Variants in CMC1 observed in about 807,000 individuals in gnomAD.
CMC1 encodes COX assembly mitochondrial protein homolog.
Under a neutral mutation model 14.1 loss-of-function variants are expected in CMC1, and 14 were observed. That is an observed-to-expected ratio of 0.99 (90% CI 0.66 to 1.55). The LOEUF (loss-of-function observed/expected upper bound fraction) is 1.55, where lower values mean the gene tolerates loss of function less well. CMC1 is among the 40% of genes most tolerant of loss of function. CMC1 has a pLI of 0.00. For missense variants in CMC1, 127 were observed against 123.8 expected (o/e 1.03, Z -0.12); for synonymous variants, 50 against 38.4 (o/e 1.30, Z -1.12).
At chr3:28,256,148 T>C (rs1699393218) in intron 1 of CMC1, among the ~76,000 whole-genome samples, 1 of 151,864 alleles carries the variant, frequency 6.6e-6, no homozygotes, top group Non-Finnish European at 1.5e-5. Context: ...AACATATATA[T>C]ATATCTTAAG....
chr3:28,304,899 T>C (rs1702231101), intron 2 of CMC1, among the ~76,000 whole-genome samples: 1 of 152,202 alleles, frequency 6.6e-6, no homozygotes, highest in African/African-American at 2.4e-5. Context: ...CATATAGCTC[T>C]AATAGGTTCT....
At chr3:28,306,261 A>G (rs985320802) in intron 2 of CMC1, among the ~76,000 whole-genome samples, 2 of 152,300 alleles carry the variant, frequency 1.3e-5, no homozygotes, top group Non-Finnish European at 2.9e-5. Flanking sequence ...CATTGAATCT[A>G]TAGATTGCTT....
chr3:28,293,307 C>CCTT (rs1559430454), intron 2 of CMC1, among the ~76,000 whole-genome samples: 8 of 139,956 alleles, frequency 5.7e-5, no homozygotes, highest in Non-Finnish European at 3.1e-5. Flanking sequence ...AATAGAGGGA[C>CCTT]TTTTTTTTTT....
rs757069358 is a variant in CMC1 at position 28,263,319 on chromosome 3, T to C, written c.48T>C (p.Asp16=). Residue 16 remains aspartate, a synonymous_variant, in exon 2 of 4, where the codon GAT becomes GAC. Transcript: ENST00000466830. The part of the protein sequence containing the change: ...ADQHLRHVEK[D]VLIPKIMREK... ...AGCATCTCAGACATGTCGAAAAAGATGTTTTGATCCCTAAAATAATGAGAG... is the reference window on the plus strand; with the variant it reads ...AGCATCTCAGACATGTCGAAAAAGACGTTTTGATCCCTAAAATAATGAGAG... The C allele has an allele frequency of 5.6e-6, 9 of 1,608,266 alleles. No homozygotes were observed. The Admixed American group carries it at 1.0e-4, about 18-fold the overall frequency.
In CMC1 at chr3:28,304,156, C is replaced by T. The variant is rs987743663; in HGVS notation, c.110-12177C>T. On this transcript the variant is annotated intron_variant, in intron 2 of 3. Transcript: ENST00000466830. ...AAATTTAGTTATGCAGTCGCATTAG[C>T]CACATTCAGCTTGGGCAACATAGTG... 2.4e-4 allele frequency among the ~76,000 whole-genome samples: 37 copies of T among 151,964 alleles called. 1 individual carries two copies. Among genetic ancestry groups the T allele is most frequent in the African/African-American group, 8.9e-4 (37 of 41,388 alleles).
intron 2 of CMC1, among the ~76,000 whole-genome samples, chr3:28,308,272 TA>T (rs1017529000): frequency 4.9e-4 from 72 of 148,188 alleles, no homozygotes; most frequent in Middle Eastern, 3.5e-3. Flanking sequence ...GTGAAAGCTT[TA>T]AAAAAAAAAG....
chr3:28,288,017 A>C (rs1454885412), intron 2 of CMC1, among the ~76,000 whole-genome samples: 2 of 152,030 alleles, frequency 1.3e-5, no homozygotes, highest in African/African-American at 4.8e-5. Flanking sequence ...GCCACATTTC[A>C]AATGCTCAAT....
intron 2 of CMC1, among the ~76,000 whole-genome samples, chr3:28,283,358 A>C (rs747145851): frequency 1.5e-5 from 2 of 136,216 alleles, no homozygotes; most frequent in Non-Finnish European, 3.4e-5. Context: ...TACTAAAAAT[A>C]AAAAAAAAAA....
chr3:28,284,506 A>T (rs1257697483), intron 2 of CMC1, among the ~76,000 whole-genome samples: 2 of 152,204 alleles, frequency 1.3e-5, no homozygotes, highest in Non-Finnish European at 2.9e-5. Context: ...CCACAGAGAG[A>T]TAATTGCATT....
chr3:28,260,845 A>C (rs76005614), intron 1 of CMC1, among the ~76,000 whole-genome samples: 1 of 152,010 alleles, frequency 6.6e-6, no homozygotes, highest in Non-Finnish European at 1.5e-5. Flanking sequence ...ATTTTCTTAG[A>C]TCCATGGGTT....
rs568951553 is a variant in CMC1, at chr3:28,308,127, C to G, written c.110-8206C>G. ...TAGCAAAGTTAATTCTGTCTGCATCCTTAATTCCCATTTCCTGTGTATCTT... is the reference window on the plus strand; with the variant it reads ...TAGCAAAGTTAATTCTGTCTGCATCGTTAATTCCCATTTCCTGTGTATCTT... On this transcript the variant is annotated intron_variant, in intron 2 of 3. Transcript: ENST00000466830. 2.0e-5 allele frequency among the ~76,000 whole-genome samples: 3 copies of G among 152,244 alleles called. No homozygotes were observed. The South Asian group carries it at 6.2e-4, about 32-fold the overall frequency.
intron 1 of CMC1, among the ~76,000 whole-genome samples, chr3:28,258,757 C>T (rs1280751554): frequency 6.6e-6 from 1 of 151,350 alleles, no homozygotes; most frequent in Non-Finnish European, 1.5e-5. Flanking sequence ...GTAGCTGGGA[C>T]TACAGGCACC....
chr3:28,296,380 C>T (rs1057395630), intron 2 of CMC1, among the ~76,000 whole-genome samples: 8 of 151,982 alleles, frequency 5.3e-5, no homozygotes, highest in African/African-American at 1.9e-4. Context: ...TTAATGTCAG[C>T]AAAGCAGCTG....
intron 3 of CMC1, chr3:28,318,169 A>G (rs889531723): frequency 7.3e-5 from 11 of 150,982 alleles, no homozygotes; most frequent in African/African-American, 1.9e-4. Context: ...CGTAACTGCT[A>G]TCCTCTCTCA....
intron 1 of CMC1, among the ~76,000 whole-genome samples, chr3:28,257,959 C>T (rs1235158050): frequency 4.0e-5 from 6 of 151,448 alleles, no homozygotes; most frequent in Admixed American, 6.6e-5. Flanking sequence ...TTCTCTCCAA[C>T]GTTGGTGTTG....
At chr3:28,248,678 T>C (rs1237855479) in intron 1 of CMC1, among the ~76,000 whole-genome samples, 2 of 152,236 alleles carry the variant, frequency 1.3e-5, no homozygotes, top group African/African-American at 2.4e-5. Flanking sequence ...GTCAAAAATA[T>C]GAGAAGTATT....
intron 2 of CMC1, among the ~76,000 whole-genome samples, chr3:28,285,344 G>C (rs1402247147): frequency 7.5e-6 from 1 of 134,146 alleles, no homozygotes; most frequent in Non-Finnish European, 1.6e-5. Context: ...TTTTGTTCCA[G>C]TTAGTGAATA....
intron 2 of CMC1, among the ~76,000 whole-genome samples, chr3:28,270,428 T>A (rs1700221665): frequency 6.6e-6 from 1 of 152,116 alleles, no homozygotes; most frequent in Non-Finnish European, 1.5e-5. Flanking sequence ...CTGTTGTTTC[T>A]TAACTTTTTA....
chr3:28,267,238 A>C (rs1159148301), intron 2 of CMC1, among the ~76,000 whole-genome samples: 1 of 152,196 alleles, frequency 6.6e-6, no homozygotes. Flanking sequence ...ATTTTTCTCC[A>C]TAAGAGGAAG....
Sources: gnomAD v4.1 joint callset for allele counts (sites outside exome capture counted in the v4.1 genomes callset) on GRCh38, gnomAD v4.1.1 for gene constraint, MANE v1.5 for transcripts, NCBI Gene and HGNC (gene_info 2026-07-23, HGNC 2026-07-21) for gene names.